Variants in CPNE4 observed in about 807,000 individuals in gnomAD.
CPNE4 encodes copine 4.
In CPNE4, 25 loss-of-function variants were observed where a neutral mutation model predicts 67.9. The observed-to-expected ratio is 0.37, with a 90% CI of 0.27 to 0.51. CPNE4 has a LOEUF of 0.51. Ranked by LOEUF, CPNE4 falls within the 20% of genes least tolerant of loss-of-function variation. The pLI, the probability that CPNE4 is intolerant of heterozygous loss-of-function variation, is 0.93. For synonymous variants in CPNE4, 242 were observed against 244.9 expected (o/e 0.99, Z 0.11); for missense variants, 464 against 690.8 (o/e 0.67, Z 3.68).
chr3:132,001,782 A>G (rs77258926), intron 1 of CPNE4, among the ~76,000 whole-genome samples: 1,836 of 152,172 alleles, frequency 0.012, 11 homozygotes, highest in Middle Eastern at 0.02. Context: ...TCCGGAGACT[A>G]AAGGGCTGAA....
chr3:131,931,333 A>T (rs528452871), intron 1 of CPNE4, among the ~76,000 whole-genome samples: 1 of 152,330 alleles, frequency 6.6e-6, no homozygotes, highest in East Asian at 1.9e-4. Flanking sequence ...AAAAGTGAAG[A>T]AACAGCTGAG....
At chr3:131,994,160 T>G (rs549391006) in intron 1 of CPNE4, among the ~76,000 whole-genome samples, 1 of 136,428 alleles carries the variant, frequency 7.3e-6, no homozygotes, top group Non-Finnish European at 1.7e-5. Context: ...ACAAGATTCA[T>G]ATGCTGTAAA....
chr3:131,955,703 A>G (rs2071944673), intron 1 of CPNE4, among the ~76,000 whole-genome samples: 1 of 151,920 alleles, frequency 6.6e-6, no homozygotes, highest in Non-Finnish European at 1.5e-5. Flanking sequence ...CCTCTTACAA[A>G]CCTTTTAGAA....
chr3:131,973,146 G>T (rs530814202), intron 1 of CPNE4, among the ~76,000 whole-genome samples: 93 of 152,206 alleles, frequency 6.1e-4, no homozygotes, highest in African/African-American at 2.2e-3. Flanking sequence ...AAGTCATTTT[G>T]TACAACGGAT....
At chr3:131,718,966 C>A (rs1282371918) in intron 3 of CPNE4, among the ~76,000 whole-genome samples, 1 of 152,190 alleles carries the variant, frequency 6.6e-6, no homozygotes, top group African/African-American at 2.4e-5. Flanking sequence ...TGTGGCCACA[C>A]AAATGTAATA....
rs145861897 is a variant in CPNE4, at chr3:131,951,569, G to C, written c.-1-46125C>G. Among the ~76,000 whole-genome samples, 909 of 139,824 alleles carry C rather than the reference G, an allele frequency of 6.5e-3. 6 individuals are homozygous for C. Among genetic ancestry groups the C allele is most frequent in the African/African-American group, 0.02 (603 of 30,356 alleles). The allele number at this position is 139,824 out of a possible 152,430, so 91.7% of individuals were successfully genotyped here. On this transcript the variant is annotated intron_variant, in intron 1 of 15. Coordinates refer to ENST00000429747, the MANE Select transcript of CPNE4 (RefSeq NM_130808.3). ...AGTCTCCCTCTCCCTCTCTTTCCAC[G>C]GTCTCCCTCTCCCTCTCTTTCCATG...
intron 7 of CPNE4, among the ~76,000 whole-genome samples, chr3:131,645,578 C>A (rs904378314): frequency 6.6e-6 from 1 of 152,056 alleles, no homozygotes; most frequent in Non-Finnish European, 1.5e-5. Context: ...TAACTATAAC[C>A]ATATAAATTT....
intron 7 of CPNE4, among the ~76,000 whole-genome samples, chr3:131,608,120 A>T (rs1582884061): frequency 6.6e-6 from 1 of 152,200 alleles, no homozygotes; most frequent in East Asian, 1.9e-4. Context: ...TTGTGAAAGA[A>T]GTTTGAGAAA....
At chr3:131,924,377 A>T (rs1221050354) in intron 1 of CPNE4, among the ~76,000 whole-genome samples, 1 of 152,180 alleles carries the variant, frequency 6.6e-6, no homozygotes, top group African/African-American at 2.4e-5. Flanking sequence ...ACCAAATATC[A>T]TAGACATCAT....
intron 2 of CPNE4, among the ~76,000 whole-genome samples, chr3:131,857,987 A>G (rs2086517831): frequency 6.6e-6 from 1 of 152,158 alleles, no homozygotes; most frequent in Admixed American, 6.6e-5. Context: ...TAAATTATGC[A>G]AATAAGTCTT....
chr3:131,975,030 T>A (rs578118743), intron 1 of CPNE4, among the ~76,000 whole-genome samples: 3 of 151,754 alleles, frequency 2.0e-5, no homozygotes, highest in Non-Finnish European at 4.4e-5. Context: ...AATAAATAAG[T>A]AAAGAGAAAT....
intron 9 of CPNE4, among the ~76,000 whole-genome samples, chr3:131,579,829 T>C (rs563640950): frequency 4.6e-5 from 7 of 152,296 alleles, no homozygotes; most frequent in African/African-American, 1.7e-4. Flanking sequence ...ACAAAGAAAG[T>C]GGTTTCTTGA....
At chr3:131,937,213 T>C (rs1028172189) in intron 1 of CPNE4, among the ~76,000 whole-genome samples, 1 of 152,146 alleles carries the variant, frequency 6.6e-6, no homozygotes, top group African/African-American at 2.4e-5. Flanking sequence ...AAGAAATGTA[T>C]ACAAAAATAG....
At chr3:131,608,073 T>C (rs1016933600) in intron 7 of CPNE4, among the ~76,000 whole-genome samples, 1 of 152,220 alleles carries the variant, frequency 6.6e-6, no homozygotes, top group African/African-American at 2.4e-5. Flanking sequence ...TGTTTATGTA[T>C]CTGAATTTAG....
At chr3:131,805,207 C>T (rs1211350228) in intron 2 of CPNE4, among the ~76,000 whole-genome samples, 1 of 152,178 alleles carries the variant, frequency 6.6e-6, no homozygotes, top group African/African-American at 2.4e-5. Context: ...GGAAGGCCAT[C>T]GCTTGCTCTC....
At chr3:132,020,439 GT>G (rs754292101) in intron 1 of CPNE4, among the ~76,000 whole-genome samples, 6 of 152,202 alleles carry the variant, frequency 3.9e-5, no homozygotes, top group Non-Finnish European at 5.9e-5. Context: ...GGTCAAATCT[GT>G]GGAGCTGAGC....
intron 15 of CPNE4, among the ~76,000 whole-genome samples, chr3:131,535,754 A>G (rs1005896997): frequency 7.9e-5 from 12 of 152,240 alleles, no homozygotes; most frequent in Non-Finnish European, 2.9e-5. Context: ...AGAATATGAC[A>G]CATGCTATAG....
At chr3:131,571,412 A>G (rs1222157651) in intron 10 of CPNE4, among the ~76,000 whole-genome samples, 3 of 152,028 alleles carry the variant, frequency 2.0e-5, no homozygotes, top group African/African-American at 7.2e-5. Context: ...CATATTTATA[A>G]GTACCATCTC....
intron 2 of CPNE4, among the ~76,000 whole-genome samples, chr3:131,820,694 A>T (rs568516410): frequency 6.6e-6 from 1 of 152,364 alleles, no homozygotes; most frequent in East Asian, 1.9e-4. Context: ...TCTTAAAAAT[A>T]ACTTTCAGTA....
Sources: allele counts gnomAD v4.1 joint callset (sites outside exome capture counted in the v4.1 genomes callset), GRCh38; gene constraint gnomAD v4.1.1; transcripts MANE v1.5; gene names NCBI Gene and HGNC (gene_info 2026-07-23, HGNC 2026-07-21).